Variants in BTBD2 observed in about 807,000 individuals in gnomAD.
BTBD2 encodes BTB domain containing 2, also known as BTB/POZ domain-containing protein 2.
BTBD2 carries 15 observed loss-of-function variants against 44.0 expected under a neutral mutation model. The ratio of observed to expected loss-of-function variants is 0.34; its 90% CI spans 0.23 to 0.53. The LOEUF (loss-of-function observed/expected upper bound fraction) is 0.53, where lower values mean the gene tolerates loss of function less well. BTBD2 is among the 20% of genes least tolerant of loss of function. The pLI is 0.95. For missense variants in BTBD2, 657 were observed against 746.4 expected, an observed-to-expected ratio of 0.88 and a Z score of 1.39; for synonymous variants, 443 against 335.9, an observed-to-expected ratio of 1.32 and a Z score of -3.49.
At chr19:1,995,253 C>CACCG (rs1393995835) in intron 2 of BTBD2, among the ~76,000 whole-genome samples, 2 of 149,874 alleles carry the variant, frequency 1.3e-5, no homozygotes, top group African/African-American at 4.9e-5. Flanking sequence ...AGGTGTGAGC[C>CACCG]ACCGCGCCTA....
In BTBD2 at chr19:1,999,522, C is replaced by T. The variant is rs752098558; in HGVS notation, c.408-2059G>A. ...CTCTACAAAAACATTGAAAATTAGC[C>T]AGGCATCGTGGTGAGCAAGTGCAAT... On this transcript the variant is annotated intron_variant, in intron 1 of 8. Coordinates refer to ENST00000255608, the MANE Select transcript of BTBD2 (RefSeq NM_017797.4). Among the ~76,000 whole-genome samples the T allele has an allele frequency of 1.2e-4, 19 of 152,112 alleles. No individual in the cohort carries two copies. The South Asian group carries it at 2.1e-3, about 17-fold the overall frequency.
At position 1,986,938 on chromosome 19, in the gene BTBD2, G is replaced by A. The variant is rs756819072; in HGVS notation, c.1308C>T (p.Asn436=). 62 of 1,613,148 alleles carry A rather than the reference G, an allele frequency of 3.8e-5. No homozygotes were observed. The highest frequency in any genetic ancestry group is 5.1e-5 in the Non-Finnish European group (60 of 1,179,826). ...HTDSNTVLGQ[N]DTGFSCDGSA... ...AGCCGTCGCAGCTGAAGCCCGTGTC[G>A]TTCTGGCCCAAGACGGTGTTGCTAT... Residue 436 remains asparagine, a synonymous_variant, in exon 8 of 9, where the codon AAC becomes AAT. Coordinates refer to ENST00000255608, the MANE Select transcript of BTBD2 (RefSeq NM_017797.4).
intron 4 of BTBD2, 151 bp from the exon 5 acceptor site, chr19:1,990,352 T>C (rs1568215261): frequency 1.2e-6 from 1 of 807,912 alleles, no homozygotes; most frequent in Non-Finnish European, 1.9e-6. Context: ...TGTTTATAAA[T>C]AAAGCTTTAT....
chr19:1,998,867 G>A (rs1023637340), intron 1 of BTBD2, among the ~76,000 whole-genome samples: 2 of 152,100 alleles, frequency 1.3e-5, no homozygotes, highest in Non-Finnish European at 2.9e-5. Flanking sequence ...TGCGCGCGGC[G>A]GAGCACCTGC....
chr19:1,990,650 G>GTCAATCCCCGGACCC, intron 4 of BTBD2, 67 bp downstream of exon 4: 1 of 1,424,218 alleles, frequency 7.0e-7, no homozygotes, highest in Non-Finnish European at 9.6e-7. Context: ...AGCTCCCACT[G>GTCAATCCCCGGACCC]TCAATCCCCG....
intron 6 of BTBD2, 94 bp downstream of exon 6, chr19:1,987,406 A>T: frequency 1.2e-6 from 1 of 862,100 alleles, no homozygotes; most frequent in Non-Finnish European, 1.6e-6. Context: ...ATCATCCCTG[A>T]GTTCTCCACC....
rs1223450066 is a variant in BTBD2 at position 2,015,361 on chromosome 19, C to A, written c.343G>T (p.Val115Leu). ...ERFAFLFNNE[V>L]LCDVHFLVGK... ...ACCAGGAAGTGCACGTCGCACAGCACCTCGTTGTTGAAGAGGAAGGCGAAG... is the reference window on the plus strand; with the variant it reads ...ACCAGGAAGTGCACGTCGCACAGCAACTCGTTGTTGAAGAGGAAGGCGAAG... The change falls in exon 1 of 9, where the codon GTG becomes TTG. Residue 115 changes from valine (V) to leucine (L), a missense_variant. Transcript: ENST00000255608. 5 of 1,585,268 alleles carry A rather than the reference C, an allele frequency of 3.2e-6. No individual in the cohort carries two copies. The highest frequency in any genetic ancestry group is 4.3e-6 in the Non-Finnish European group (5 of 1,173,122).
In BTBD2 at chr19:1,987,225, C is replaced by T. The variant is rs759325168; in HGVS notation, c.1210G>A (p.Val404Met). The change falls in exon 7 of 9, where the codon GTG becomes ATG. Residue 404 changes from valine to methionine, a missense_variant. By Grantham distance (21) the Val-to-Met change is conservative (BLOSUM62 1). Transcript: ENST00000255608. ...RFSVNKRIFV[V>M]GFGLYGSIHG... ...ATGGATCCATACAGCCCAAATCCCACCACGAAGATGCGCTTGTTGACTGAG... is the reference window on the plus strand; with the variant it reads ...ATGGATCCATACAGCCCAAATCCCATCACGAAGATGCGCTTGTTGACTGAG... The T allele has an allele frequency of 1.2e-6, 2 of 1,613,868 alleles. No individual in the cohort carries two copies. Among genetic ancestry groups the T allele is most frequent in the Admixed American group, 1.7e-5 (1 of 59,974 alleles).
chr19:2,015,068 G>A (rs2016515614), intron 1 of BTBD2, among the ~76,000 whole-genome samples: 1 of 150,790 alleles, frequency 6.6e-6, no homozygotes, highest in South Asian at 2.1e-4. Context: ...AGGGGTCCCA[G>A]GGACAGAGGG....
chr19:2,010,067 G>C (rs899517133), intron 1 of BTBD2, among the ~76,000 whole-genome samples: 4 of 152,110 alleles, frequency 2.6e-5, no homozygotes, highest in Non-Finnish European at 5.9e-5. Flanking sequence ...CAGGAGAATG[G>C]CATGAACCTG....
chr19:2,013,610 G>C (rs1213400454), intron 1 of BTBD2: 1 of 989,104 alleles, frequency 1.0e-6, no homozygotes, highest in African/African-American at 1.8e-5. Flanking sequence ...GGTCACTGAA[G>C]TGGGAGGTGG....
At position 1,987,597 on chromosome 19, in the gene BTBD2, G is replaced by A. The variant is rs559807549; in HGVS notation, c.1084C>T (p.Arg362Trp). The change falls in exon 6 of 9, where the codon CGG (arginine) becomes TGG (tryptophan). Residue 362 changes from arginine to tryptophan, a missense_variant. This residue lies in a region of BTBD2 where 449 missense variants were observed against 510.9 expected (regional missense o/e 0.88). Coordinates refer to ENST00000255608, the MANE Select transcript of BTBD2 (RefSeq NM_017797.4). ...TTCCCACGCAGGCAGCAGCGGGGCC[G>A]GTCAATGAACTCCACTCGTGGCTTG... ...NPKPRVEFID[R>W]PRCCLRGKEC... 13 of 1,612,678 alleles carry A rather than the reference G, an allele frequency of 8.1e-6. No homozygotes were observed. The highest frequency in any genetic ancestry group is 6.7e-5 in the Admixed American group (4 of 59,940).
Position 1,986,867 on chromosome 19 carries a change from A to G in BTBD2, c.1379T>C (p.Leu460Pro), listed in dbSNP as rs755846599. ...ACAGGCCGTGTAGTTGACGTTGGGC[A>G]GCACCTCCACCGGCTCCTTGAACAT... ...RVMFKEPVEV[L>P]PNVNYTACAT... The change falls in exon 8 of 9, where the codon CTG becomes CCG. Residue 460 changes from leucine (L) to proline (P), a missense_variant. Physicochemically the swap from Leu to Pro is moderately conservative, Grantham distance 98. This residue lies in a region of BTBD2 where 449 missense variants were observed against 510.9 expected (regional missense o/e 0.88). Transcript: ENST00000255608. The G allele has an allele frequency of 6.2e-7, 1 of 1,612,344 alleles. No homozygotes were observed. The highest frequency in any genetic ancestry group is 8.5e-7 in the Non-Finnish European group (1 of 1,179,550).
chr19:1,991,326 C>T (rs796144213), intron 3 of BTBD2: 11 of 159,068 alleles, frequency 6.9e-5, no homozygotes, highest in African/African-American at 1.9e-4. Context: ...AGCTGGAGGA[C>T]GCCTGTGCTC....
At chr19:1,996,479 T>C (rs2016251849) in intron 2 of BTBD2, among the ~76,000 whole-genome samples, 1 of 56,348 alleles carries the variant, frequency 1.8e-5, no homozygotes, top group South Asian at 5.6e-4. Context: ...TGATGTTTCC[T>C]TTTTTTTGTT....
At chr19:1,992,914 G>C (rs2016199401) in intron 3 of BTBD2, 106 bp downstream of exon 3, 1 of 1,076,258 alleles carries the variant, frequency 9.3e-7, no homozygotes, top group Admixed American at 4.5e-5. Flanking sequence ...CTGCCTCCCG[G>C]GCCCGCCCCC....
chr19:1,992,224 T>G (rs1019750348), intron 3 of BTBD2, among the ~76,000 whole-genome samples: 1 of 151,868 alleles, frequency 6.6e-6, no homozygotes, highest in Non-Finnish European at 1.5e-5. Context: ...CCCCAAGTAG[T>G]TGAGATTCCA....
intron 1 of BTBD2, among the ~76,000 whole-genome samples, chr19:2,000,531 G>A (rs370583714): frequency 1.3e-5 from 2 of 152,106 alleles, no homozygotes; most frequent in East Asian, 3.9e-4. Flanking sequence ...CAGCTCTGCC[G>A]GTCCCCAAGG....
chr19:1,993,192 G>A lies in BTBD2; in HGVS notation c.528-16C>T, dbSNP rs753175010. 5 of 1,585,426 alleles carry A rather than the reference G, an allele frequency of 3.2e-6. No homozygotes were observed. Among genetic ancestry groups the A allele is most frequent in the South Asian group, 2.2e-5 (2 of 88,956 alleles). Reference sequence around the variant, plus strand: ...GTAGAGAAACCTGCAGAAGCAACGCGGGTGGCCGTGAGGTGGGACCGCCAT... The same window carrying A: ...GTAGAGAAACCTGCAGAAGCAACGCAGGTGGCCGTGAGGTGGGACCGCCAT... On this transcript the variant is annotated splice_polypyrimidine_tract_variant and intron_variant, in intron 2 of 8. Coordinates refer to ENST00000255608, the MANE Select transcript of BTBD2 (RefSeq NM_017797.4).
Sources: allele counts gnomAD v4.1 joint callset (sites outside exome capture counted in the v4.1 genomes callset), GRCh38; gene constraint gnomAD v4.1.1; regional missense constraint gnomAD v4.1.1; transcripts MANE v1.5; gene names NCBI Gene and HGNC (gene_info 2026-07-23, HGNC 2026-07-21).